Variants in COL14A1 observed in about 807,000 individuals in gnomAD.
COL14A1 encodes the protein collagen alpha-1(XIV) chain.
COL14A1 carries 136 observed loss-of-function variants against 230.3 expected under a neutral mutation model. That is an observed-to-expected ratio of 0.59 (90% CI 0.51 to 0.68). COL14A1 has a LOEUF of 0.68. Ranked by LOEUF, COL14A1 falls within the 30% of genes least tolerant of loss-of-function variation. The pLI is 0.00. For missense variants in COL14A1, 1,976 were observed against 2,215.8 expected, an observed-to-expected ratio of 0.89 and a Z score of 2.17; for synonymous variants, 792 against 784.1, an observed-to-expected ratio of 1.01 and a Z score of -0.17.
intron 26 of COL14A1, among the ~76,000 whole-genome samples, chr8:120,276,137 TTA>T (rs1172640052): frequency 6.6e-6 from 1 of 150,534 alleles, no homozygotes; most frequent in Non-Finnish European, 1.5e-5. Flanking sequence ...AAAAAATATA[TTA>T]TATATATATT....
chr8:120,212,415 G>A, intron 12 of COL14A1, 33 bp from the exon 13 acceptor site: 1 of 1,608,734 alleles, frequency 6.2e-7, no homozygotes, highest in Non-Finnish European at 8.5e-7. Flanking sequence ...AATATGTATT[G>A]GCAAATGATC....
intron 19 of COL14A1, among the ~76,000 whole-genome samples, chr8:120,234,713 G>A (rs1257422594): frequency 6.6e-6 from 1 of 152,156 alleles, no homozygotes; most frequent in Non-Finnish European, 1.5e-5. Flanking sequence ...AATTCGGTTT[G>A]CCAGTATTTT....
intron 45 of COL14A1, among the ~76,000 whole-genome samples, chr8:120,366,462 G>C (rs779381891): frequency 6.6e-6 from 1 of 152,308 alleles, no homozygotes; most frequent in South Asian, 2.1e-4. Flanking sequence ...TAATGCAACC[G>C]TATCTTGGGC....
intron 23 of COL14A1, among the ~76,000 whole-genome samples, chr8:120,258,383 G>A (rs964846515): frequency 6.6e-6 from 1 of 152,142 alleles, no homozygotes; most frequent in Admixed American, 6.6e-5. Flanking sequence ...ATATTGGCCT[G>A]GTTTGGGTCA....
chr8:120,286,789 G>A (rs113155306), intron 33 of COL14A1, among the ~76,000 whole-genome samples: 3,159 of 152,280 alleles, frequency 0.021, 110 homozygotes, highest in African/African-American at 0.069. Flanking sequence ...GATTACAGGC[G>A]TGAGCCACCG....
At chr8:120,181,813 A>G (rs1280855274) in intron 5 of COL14A1, among the ~76,000 whole-genome samples, 1 of 152,158 alleles carries the variant, frequency 6.6e-6, no homozygotes, top group Non-Finnish European at 1.5e-5. Flanking sequence ...TTAGCCAGGC[A>G]TGGTGGCATG....
At chr8:120,203,562 A>T in intron 8 of COL14A1, 147 bp from the exon 9 acceptor site, 4 of 511,312 alleles carry the variant, frequency 7.8e-6, no homozygotes. Flanking sequence ...CGCATTTTAA[A>T]TAAAATTTTA....
chr8:120,307,905 ATCT>A (rs1301273583), intron 36 of COL14A1, among the ~76,000 whole-genome samples: 7 of 152,242 alleles, frequency 4.6e-5, no homozygotes, highest in South Asian at 2.1e-4. Context: ...TACTCTTGGT[ATCT>A]TCTTCTGAGA....
At chr8:120,270,285 C>T in intron 26 of COL14A1, 111 bp downstream of exon 26, 1 of 1,116,466 alleles carries the variant, frequency 9.0e-7, no homozygotes, top group South Asian at 2.0e-5. Context: ...TGATTGGGTT[C>T]AACCTTAAAT....
chr8:120,124,685 T>C (rs1018159247), upstream of COL14A1, among the ~76,000 whole-genome samples: 1 of 152,170 alleles, frequency 6.6e-6, no homozygotes, highest in African/African-American at 2.4e-5. Flanking sequence ...GGATACCTGT[T>C]TCACTCGGAG....
chr8:120,348,547 G>T (rs1466782528), intron 45 of COL14A1, among the ~76,000 whole-genome samples: 4 of 152,002 alleles, frequency 2.6e-5, no homozygotes, highest in African/African-American at 9.7e-5. Flanking sequence ...GTGGGAAGTG[G>T]GTGAGGGATA....
intron 32 of COL14A1, among the ~76,000 whole-genome samples, 192 bp from the exon 33 acceptor site, chr8:120,285,669 C>G (rs577357038): frequency 1.8e-4 from 27 of 152,136 alleles, no homozygotes; most frequent in African/African-American, 6.5e-4. Context: ...CACCAAGTGG[C>G]TTAATCAGTT....
chr8:120,360,162 G>A (rs1438930675), intron 45 of COL14A1, among the ~76,000 whole-genome samples: 1 of 152,132 alleles, frequency 6.6e-6, no homozygotes, highest in Non-Finnish European at 1.5e-5. Flanking sequence ...AAATAGCACA[G>A]GGTTTACCAG....
chr8:120,346,016 T>C (rs566356769), intron 45 of COL14A1, among the ~76,000 whole-genome samples: 5 of 152,338 alleles, frequency 3.3e-5, no homozygotes, highest in Non-Finnish European at 7.3e-5. Flanking sequence ...CAATAGTCAG[T>C]GGCAGTCCTG....
intron 7 of COL14A1, among the ~76,000 whole-genome samples, 160 bp from the exon 8 acceptor site, chr8:120,199,242 G>C (rs374848635): frequency 1.3e-5 from 2 of 152,038 alleles, no homozygotes; most frequent in African/African-American, 4.8e-5. Context: ...TTAGTTCCTT[G>C]TTGAATCTGT....
At chr8:120,367,127 T>C (rs1001405596) in intron 45 of COL14A1, 44 bp from the exon 46 acceptor site, 18 of 1,479,626 alleles carry the variant, frequency 1.2e-5, no homozygotes, top group East Asian at 4.9e-5. Flanking sequence ...CAAGATTTTC[T>C]TTTAAAAAGA....
intron 12 of COL14A1, among the ~76,000 whole-genome samples, chr8:120,210,661 G>T (rs6994973): frequency 0.4 from 61,446 of 151,922 alleles, 12,795 homozygotes; most frequent in Middle Eastern, 0.48. Flanking sequence ...GACATTTAAG[G>T]AATGAAGAGG....
intron 19 of COL14A1, 25 bp from the exon 20 acceptor site, chr8:120,243,854 T>C: frequency 1.2e-6 from 2 of 1,610,706 alleles, no homozygotes; most frequent in Non-Finnish European, 1.7e-6. Flanking sequence ...TCACTAAGAC[T>C]GCAGTCCTTT....
At chr8:120,141,952 C>CA (rs1446971709) in intron 1 of COL14A1, among the ~76,000 whole-genome samples, 2 of 152,076 alleles carry the variant, frequency 1.3e-5, no homozygotes, top group African/African-American at 4.8e-5. Flanking sequence ...AGGCTGGTCC[C>CA]AAACTCTTGG....
Sources: gnomAD v4.1 joint callset for allele counts (sites outside exome capture counted in the v4.1 genomes callset) on GRCh38, gnomAD v4.1.1 for gene constraint, MANE v1.5 for transcripts, NCBI Gene and HGNC (gene_info 2026-07-23, HGNC 2026-07-21) for gene names.